The following MEGF11 variants were observed in gnomAD, a reference collection of about 807,000 sequenced individuals.
MEGF11 encodes multiple EGF like domains 11.
In MEGF11, 126 loss-of-function variants were observed where a neutral mutation model predicts 146.6. That is an observed-to-expected ratio of 0.86 (90% CI 0.74 to 1.00). The LOEUF is 1.00. Among genes scored for constraint, MEGF11 ranks in the 50% least tolerant of loss-of-function variants. The pLI, the probability that MEGF11 is intolerant of heterozygous loss-of-function variation, is 0.00. For missense variants in MEGF11, 1,509 were observed against 1,521.2 expected (o/e 0.99, Z 0.13); for synonymous variants, 532 against 583.4 (o/e 0.91, Z 1.27).
intron 13 of MEGF11, among the ~76,000 whole-genome samples, chr15:65,923,549 T>A (rs1307138586): frequency 6.6e-6 from 1 of 152,340 alleles, no homozygotes; most frequent in East Asian, 1.9e-4. Flanking sequence ...GCAGTATGTG[T>A]ATCATTCATG....
chr15:65,910,791 A>G (rs958222717), intron 21 of MEGF11, among the ~76,000 whole-genome samples: 4 of 152,214 alleles, frequency 2.6e-5, no homozygotes, highest in African/African-American at 9.6e-5. Flanking sequence ...TCTAGGGCAT[A>G]GCCGTGGACT....
At chr15:65,925,407 G>A (rs1161093368) in intron 13 of MEGF11, among the ~76,000 whole-genome samples, 1 of 152,202 alleles carries the variant, frequency 6.6e-6, no homozygotes, top group African/African-American at 2.4e-5. Context: ...GGGGCTGTTT[G>A]TGGTTCTTAT....
At chr15:66,168,349 C>A (rs1333333106) in intron 1 of MEGF11, among the ~76,000 whole-genome samples, 1 of 152,150 alleles carries the variant, frequency 6.6e-6, no homozygotes, top group African/African-American at 2.4e-5. Flanking sequence ...TCCTGCCCAA[C>A]TATCAGGCCT....
intron 8 of MEGF11, among the ~76,000 whole-genome samples, chr15:65,966,794 C>T (rs376514015): frequency 9.2e-5 from 14 of 151,994 alleles, no homozygotes; most frequent in Admixed American, 3.9e-4. Context: ...GTGGCTCCTC[C>T]GTGGGCGAGT....
In MEGF11 at chr15:66,053,171, A is replaced by C. The variant is rs547095685; in HGVS notation, c.394+41231T>G. Among the ~76,000 whole-genome samples the C allele has an allele frequency of 4.6e-5, 7 of 152,310 alleles. No individual in the cohort carries two copies. The South Asian group carries it at 1.5e-3, about 32-fold the overall frequency. On this transcript the variant is annotated intron_variant, in intron 5 of 25. Transcript: ENST00000395614. ...AATGGATACTTCCTTGTAATTGTTC[A>C]CTACTTTCACTGGATTAACTTTGCC...
At chr15:66,114,900 T>C (rs749562533) in intron 4 of MEGF11, among the ~76,000 whole-genome samples, 1 of 152,216 alleles carries the variant, frequency 6.6e-6, no homozygotes, top group Non-Finnish European at 1.5e-5. Context: ...TGCATCTGTA[T>C]TGAGCTCTGT....
intron 13 of MEGF11, among the ~76,000 whole-genome samples, chr15:65,923,876 T>C (rs1448748094): frequency 6.6e-6 from 1 of 152,166 alleles, no homozygotes; most frequent in Admixed American, 6.5e-5. Context: ...ATGCCCCAGC[T>C]CTGGGGTAGG....
chr15:66,032,293 T>C (rs961362949), intron 5 of MEGF11, among the ~76,000 whole-genome samples: 3 of 152,222 alleles, frequency 2.0e-5, no homozygotes, highest in African/African-American at 7.2e-5. Flanking sequence ...GTTATAGCAA[T>C]AGAAAACAGA....
intron 3 of MEGF11, among the ~76,000 whole-genome samples, chr15:66,123,372 G>A (rs1164849678): frequency 1.3e-5 from 2 of 152,210 alleles, no homozygotes; most frequent in African/African-American, 2.4e-5. Flanking sequence ...TCTGCTCAGG[G>A]CAGGGGGCTG....
At chr15:66,235,455 T>G (rs749916430) in intron 1 of MEGF11, among the ~76,000 whole-genome samples, 22 of 151,550 alleles carry the variant, frequency 1.5e-4, no homozygotes, top group Non-Finnish European at 2.4e-4. Flanking sequence ...TGAGCCATGA[T>G]GGTATCACTA....
chr15:66,069,476 A>G (rs1567226655), intron 5 of MEGF11, among the ~76,000 whole-genome samples: 1 of 152,238 alleles, frequency 6.6e-6, no homozygotes, highest in African/African-American at 2.4e-5. Flanking sequence ...GAACCCCTGT[A>G]AAGAAGGTAC....
At chr15:66,123,373 C>A (rs1382744684) in intron 3 of MEGF11, among the ~76,000 whole-genome samples, 1 of 152,186 alleles carries the variant, frequency 6.6e-6, no homozygotes, top group East Asian at 1.9e-4. Context: ...CTGCTCAGGG[C>A]AGGGGGCTGT....
intron 1 of MEGF11, among the ~76,000 whole-genome samples, chr15:66,242,690 T>C (rs1567296401): frequency 6.6e-6 from 1 of 152,028 alleles, no homozygotes; most frequent in Non-Finnish European, 1.5e-5. Flanking sequence ...CCCTCTGCCC[T>C]CCTCCCCATA....
intron 8 of MEGF11, among the ~76,000 whole-genome samples, chr15:65,969,389 T>C (rs1180488825): frequency 2.0e-5 from 3 of 152,214 alleles, no homozygotes; most frequent in Admixed American, 1.3e-4. Flanking sequence ...GAACATGCAC[T>C]CAATGTTTCA....
intron 5 of MEGF11, among the ~76,000 whole-genome samples, chr15:66,075,629 T>G (rs1051451335): frequency 6.6e-6 from 1 of 152,106 alleles, no homozygotes; most frequent in Non-Finnish European, 1.5e-5. Context: ...TTGCCCCAGA[T>G]CACATTGAAG....
At chr15:65,912,396 C>T in intron 20 of MEGF11, 196 bp from the exon 21 acceptor site, 1 of 370,072 alleles carries the variant, frequency 2.7e-6, no homozygotes, top group Non-Finnish European at 4.8e-6. Flanking sequence ...TTCCCTTACG[C>T]TGGTCCTCCC....
intron 5 of MEGF11, among the ~76,000 whole-genome samples, chr15:66,072,285 C>T (rs2085401559): frequency 6.6e-6 from 1 of 152,190 alleles, no homozygotes; most frequent in South Asian, 2.1e-4. Flanking sequence ...ACAAAGCTCC[C>T]CTAGTTTTTG....
chr15:65,940,864 G>T (rs1240518203), intron 10 of MEGF11, among the ~76,000 whole-genome samples: 1 of 152,250 alleles, frequency 6.6e-6, no homozygotes, highest in African/African-American at 2.4e-5. Flanking sequence ...TGAATAGGCT[G>T]CCAGTGATCT....
chr15:65,957,847 G>T, intron 9 of MEGF11, 126 bp from the exon 10 acceptor site: 2 of 799,776 alleles, frequency 2.5e-6, no homozygotes, highest in Non-Finnish European at 2.0e-6. Flanking sequence ...GGATTAAATT[G>T]CTCAATGCCT....
Sources: allele counts gnomAD v4.1 joint callset (sites outside exome capture counted in the v4.1 genomes callset), GRCh38; gene constraint gnomAD v4.1.1; transcripts MANE v1.5; gene names NCBI Gene and HGNC (gene_info 2026-07-23, HGNC 2026-07-21).